The following NUGGC variants were observed in gnomAD, a reference collection of about 807,000 sequenced individuals.
NUGGC encodes nuclear GTPase, germinal center associated.
Under a neutral mutation model 92.6 loss-of-function variants are expected in NUGGC, and 58 were observed. The ratio of observed to expected loss-of-function variants is 0.63; its 90% CI spans 0.51 to 0.78. The LOEUF (loss-of-function observed/expected upper bound fraction) is 0.78, where lower values mean the gene tolerates loss of function less well. Among genes scored for constraint, NUGGC ranks in the 30% least tolerant of loss-of-function variants. The pLI is 0.00. For synonymous variants in NUGGC, 376 were observed against 366.4 expected (o/e 1.03, Z -0.30); for missense variants, 925 against 964.6 (o/e 0.96, Z 0.54).
intron 12 of NUGGC, among the ~76,000 whole-genome samples, chr8:28,042,956 A>T (rs1809737582): frequency 6.6e-6 from 1 of 152,238 alleles, no homozygotes; most frequent in Admixed American, 6.5e-5. Flanking sequence ...AATGCTGTGA[A>T]TCTTGGAGTA....
intron 15 of NUGGC, among the ~76,000 whole-genome samples, chr8:28,031,006 G>A (rs990263118): frequency 1.3e-5 from 2 of 152,084 alleles, no homozygotes; most frequent in Non-Finnish European, 2.9e-5. Flanking sequence ...CAACCTTGTC[G>A]TGCACTCTCA....
At chr8:28,056,417 G>T (rs556251159) in intron 9 of NUGGC, among the ~76,000 whole-genome samples, 3 of 151,670 alleles carry the variant, frequency 2.0e-5, no homozygotes, top group East Asian at 1.9e-4. Flanking sequence ...AGCAGAGCTT[G>T]CAGTGAGTCG....
intron 7 of NUGGC, among the ~76,000 whole-genome samples, chr8:28,061,234 A>T (rs566702071): frequency 6.6e-6 from 1 of 152,364 alleles, no homozygotes; most frequent in South Asian, 2.1e-4. Flanking sequence ...GTTTAGTTCA[A>T]TGCCACCAGA....
chr8:28,074,598 C>T (rs1371826906), intron 1 of NUGGC, 142 bp from the exon 2 acceptor site: 4 of 626,178 alleles, frequency 6.4e-6, no homozygotes, highest in Non-Finnish European at 8.7e-6. Context: ...ACCTAGTACA[C>T]TACTTGATGG....
At position 28,070,306 on chromosome 8, in the gene NUGGC, G is replaced by A. The variant is rs376995168; in HGVS notation, c.94C>T (p.Arg32Ter). 2.0e-5 allele frequency: 31 copies of A among 1,552,626 alleles called. No homozygotes were observed. Among genetic ancestry groups the A allele is most frequent in the African/African-American group, 1.5e-4 (11 of 73,292 alleles). ...GGAAATGCTCGGAACCGCTGGTCTCGATCTGATTTCCTTCTTTTTCTCGTT... is the reference window on the plus strand; with the variant it reads ...GGAAATGCTCGGAACCGCTGGTCTCAATCTGATTTCCTTCTTTTTCTCGTT... ...ERTRKRRKSD[R>*]DQRFRAFPSM... Residue 32 changes from arginine to a stop codon, truncating the protein, a stop_gained, in exon 3 of 19, where the codon CGA (arginine) becomes TGA (stop). Transcript: ENST00000413272. LOFTEE classifies it high-confidence loss of function.
At chr8:28,041,684 A>G (rs1809702724) in intron 12 of NUGGC, among the ~76,000 whole-genome samples, 1 of 152,230 alleles carries the variant, frequency 6.6e-6, no homozygotes, top group Admixed American at 6.5e-5. Context: ...TCTGAAATCC[A>G]AGGTCCTGGG....
chr8:28,031,139 G>A, intron 15 of NUGGC, 104 bp downstream of exon 15: 1 of 1,335,126 alleles, frequency 7.5e-7, no homozygotes, highest in Non-Finnish European at 1.1e-6. Flanking sequence ...CCCAGACCCT[G>A]GATACTCCAG....
chr8:28,034,955 A>T (rs1386045014), intron 13 of NUGGC, among the ~76,000 whole-genome samples: 3 of 152,218 alleles, frequency 2.0e-5, no homozygotes, highest in Non-Finnish European at 2.9e-5. Context: ...CGATGTTAGT[A>T]TGTAATTGTC....
chr8:28,038,985 A>C (rs1360392288), intron 13 of NUGGC, among the ~76,000 whole-genome samples: 6 of 152,148 alleles, frequency 3.9e-5, no homozygotes, highest in African/African-American at 1.2e-4. Flanking sequence ...ACATTTGCTG[A>C]CTGAATGCAC....
chr8:28,066,925 G>T (rs546470419), intron 6 of NUGGC, among the ~76,000 whole-genome samples: 1 of 150,184 alleles, frequency 6.7e-6, no homozygotes, highest in Non-Finnish European at 1.5e-5. Flanking sequence ...GTGTGGCTCA[G>T]TTCTGAACTC....
intron 12 of NUGGC, 122 bp from the exon 13 acceptor site, chr8:28,041,337 T>A: frequency 1.0e-6 from 1 of 958,276 alleles, no homozygotes; most frequent in South Asian, 1.6e-5. Context: ...AGAGCTGACT[T>A]CTCTTTATTG....
intron 13 of NUGGC, among the ~76,000 whole-genome samples, chr8:28,036,201 T>C (rs986978311): frequency 6.6e-6 from 1 of 152,216 alleles, no homozygotes; most frequent in African/African-American, 2.4e-5. Flanking sequence ...TTCAGTTTTC[T>C]GGTTGGAAAA....
At position 28,023,315 on chromosome 8, in the gene NUGGC, A is replaced by T. The variant is rs760299604; in HGVS notation, c.*2T>A. 1.2e-6 allele frequency: 2 copies of T among 1,612,814 alleles called. No individual in the cohort carries two copies. Among genetic ancestry groups the T allele is most frequent in the Admixed American group, 3.3e-5 (2 of 59,866 alleles). ...TCATCCATTGGGACTAAGCCCCAGG[A>T]GTTACAGTGATGTCCCGGGGGGGCC... On this transcript the variant is annotated 3_prime_UTR_variant, in exon 19 of 19. Coordinates refer to ENST00000413272, the MANE Select transcript of NUGGC (RefSeq NM_001010906.2).
intron 9 of NUGGC, 103 bp from the exon 10 acceptor site, chr8:28,056,157 C>G (rs1034221488): frequency 7.5e-6 from 5 of 667,280 alleles, no homozygotes; most frequent in Non-Finnish European, 1.0e-5. Context: ...TTGGTCCAAA[C>G]AGTCAAATAT....
In NUGGC at chr8:28,023,338, G is replaced by A. The variant is rs781426854; in HGVS notation, c.2370C>T (p.Gly790=). The A allele has an allele frequency of 6.8e-5, 109 of 1,613,540 alleles. 4 individuals are homozygous for A. The South Asian group carries it at 1.1e-3, about 17-fold the overall frequency. ...GGAGTTACAGTGATGTCCCGGGGGG[G>A]CCAGCCTTGCTGGGGGATGCCCTTA... ...FLLRASPSKA[G]PPGTSL Residue 790 remains glycine (G), a synonymous_variant, in exon 19 of 19, where the codon GGC becomes GGT. Transcript: ENST00000413272.
intron 18 of NUGGC, among the ~76,000 whole-genome samples, chr8:28,025,711 G>A (rs1016353639): frequency 1.3e-5 from 2 of 152,204 alleles, no homozygotes; most frequent in African/African-American, 2.4e-5. Context: ...ATGGAGAAGT[G>A]CAGAACGGAT....
intron 1 of NUGGC, among the ~76,000 whole-genome samples, 199 bp downstream of exon 1, chr8:28,083,576 T>A (rs902086637): frequency 2.0e-5 from 3 of 152,172 alleles, no homozygotes; most frequent in African/African-American, 7.2e-5. Context: ...GAATAACGTA[T>A]CAGTATCGGT....
At chr8:28,050,104 G>A (rs1161490565) in intron 10 of NUGGC, among the ~76,000 whole-genome samples, 1 of 152,056 alleles carries the variant, frequency 6.6e-6, no homozygotes, top group African/African-American at 2.4e-5. Flanking sequence ...TTAAATAAAA[G>A]GCCGGGCACG....
chr8:28,036,670 GCCACCTTGCTTTC>G (rs1217128527), intron 13 of NUGGC, among the ~76,000 whole-genome samples: 1 of 152,058 alleles, frequency 6.6e-6, no homozygotes, highest in Non-Finnish European at 1.5e-5. Flanking sequence ...CAAAAATGTT[GCCACCTTGCTTTC>G]CCACATCTCC....
Sources: gnomAD v4.1 joint callset for allele counts (sites outside exome capture counted in the v4.1 genomes callset) on GRCh38, gnomAD v4.1.1 for gene constraint, MANE v1.5 for transcripts, NCBI Gene and HGNC (gene_info 2026-07-23, HGNC 2026-07-21) for gene names.